ITPK1: variants seen among roughly 807,000 people sequenced by gnomAD.
ITPK1 encodes inositol-tetrakisphosphate 1-kinase.
A neutral mutation model predicts 45.3 loss-of-function variants in ITPK1; 21 were observed. The observed-to-expected ratio is 0.46, with a 90% CI of 0.33 to 0.67. The LOEUF is 0.67. ITPK1 is among the 30% of genes least tolerant of loss of function. The probability of loss-of-function intolerance (pLI) is 0.02; values close to 1 mark genes in which losing one functional copy is unlikely to be tolerated. For synonymous variants in ITPK1, 258 were observed against 253.6 expected, an observed-to-expected ratio of 1.02 and a Z score of -0.16; for missense variants, 474 against 573.5, an observed-to-expected ratio of 0.83 and a Z score of 1.77.
At chr14:93,074,097 T>G (rs544089544) in intron 3 of ITPK1, among the ~76,000 whole-genome samples, 46 of 152,254 alleles carry the variant, frequency 3.0e-4, no homozygotes, top group African/African-American at 1.1e-3. Flanking sequence ...TTTTGCAGAG[T>G]CTTTCTCAAT....
chr14:93,005,689 A>G (rs943630933), intron 4 of ITPK1, among the ~76,000 whole-genome samples: 6 of 152,234 alleles, frequency 3.9e-5, no homozygotes, highest in African/African-American at 1.4e-4. Context: ...AACAGCCAAA[A>G]TGCAGAATGC....
chr14:93,030,293 G>T (rs937337238), intron 3 of ITPK1, among the ~76,000 whole-genome samples: 1 of 152,196 alleles, frequency 6.6e-6, no homozygotes, highest in African/African-American at 2.4e-5. Context: ...TATCCAAAAT[G>T]TAAATAAAAG....
At chr14:92,974,541 C>G (rs1270434045) in intron 5 of ITPK1, among the ~76,000 whole-genome samples, 1 of 152,162 alleles carries the variant, frequency 6.6e-6, no homozygotes, top group Non-Finnish European at 1.5e-5. Context: ...GCATGTGCAG[C>G]GATGCATACA....
chr14:93,109,751 G>A (rs1892669365), intron 2 of ITPK1, among the ~76,000 whole-genome samples: 1 of 152,156 alleles, frequency 6.6e-6, no homozygotes. Context: ...GCAAGCCTGG[G>A]CCCCCTCCTT....
chr14:92,985,324 A>T (rs1438001168), intron 5 of ITPK1, among the ~76,000 whole-genome samples: 1 of 152,152 alleles, frequency 6.6e-6, no homozygotes, highest in Non-Finnish European at 1.5e-5. Flanking sequence ...CAATTATTGA[A>T]TAGTTATCAA....
intron 3 of ITPK1, among the ~76,000 whole-genome samples, chr14:93,028,028 C>T (rs1888831404): frequency 6.6e-6 from 1 of 152,244 alleles, no homozygotes; most frequent in African/African-American, 2.4e-5. Context: ...TGGGTCCATG[C>T]ACCTGCTGGC....
chr14:92,996,777 C>G (rs1887078624), intron 4 of ITPK1, among the ~76,000 whole-genome samples: 1 of 152,090 alleles, frequency 6.6e-6, no homozygotes, highest in Admixed American at 6.5e-5. Flanking sequence ...TTCCCCTAAA[C>G]ACACCAGGAA....
rs1887385493 is a variant in ITPK1 at position 92,941,392 on chromosome 14, C to T, written c.*169G>A. ...GGACCACCTGGTACTCTCTTCCATC[C>T]CCCACTACCCCTCATTTAGATCATG... On this transcript the variant is annotated 3_prime_UTR_variant, in exon 11 of 11. Coordinates refer to ENST00000267615, the MANE Select transcript of ITPK1 (RefSeq NM_014216.6). 1 of 1,418,414 alleles carries T rather than the reference C, an allele frequency of 7.1e-7. No individual in the cohort carries two copies. 87.9% of individuals were successfully genotyped at this position (1,418,414 alleles called of 1,614,324 possible).
intron 2 of ITPK1, among the ~76,000 whole-genome samples, chr14:93,101,465 C>T (rs1245898387): frequency 6.6e-6 from 1 of 152,186 alleles, no homozygotes; most frequent in Non-Finnish European, 1.5e-5. Flanking sequence ...GTGCTGACCC[C>T]CTCCTATGCA....
In ITPK1 at chr14:92,939,824, A is replaced by G. The variant is rs1235994429; in HGVS notation, c.*1737T>C. 1 of 985,840 alleles carries G rather than the reference A, an allele frequency of 1.0e-6. No individual in the cohort carries two copies. Among genetic ancestry groups the G allele is most frequent in the Non-Finnish European group, 1.2e-6 (1 of 829,944 alleles). The allele number at this position is 985,840 out of a possible 1,614,324, so 61.1% of individuals were successfully genotyped here. A position where few individuals can be genotyped will look rare whatever the true frequency, so the allele number is the denominator to read the frequency against. Reference sequence around the variant, plus strand: ...GTCTTTTAAGGACTGGGAGTATGACATAACAAACTTGAGCAACATGTGTAA... The same window carrying G: ...GTCTTTTAAGGACTGGGAGTATGACGTAACAAACTTGAGCAACATGTGTAA... On this transcript the variant is annotated 3_prime_UTR_variant, in exon 11 of 11. Coordinates refer to ENST00000267615, the MANE Select transcript of ITPK1 (RefSeq NM_014216.6).
intron 5 of ITPK1, among the ~76,000 whole-genome samples, chr14:92,989,509 C>T (rs552136967): frequency 2.6e-5 from 4 of 152,296 alleles, no homozygotes; most frequent in African/African-American, 9.6e-5. Context: ...CCTTCTCAGC[C>T]AGTTTGGGAG....
At position 92,938,609 on chromosome 14, in the gene ITPK1, A is replaced by G; in HGVS notation, c.*2952T>C. 8.4e-7 allele frequency: 1 copy of G among 1,187,554 alleles called. No homozygotes were observed. Among genetic ancestry groups the G allele is most frequent in the East Asian group, 2.4e-5 (1 of 41,574 alleles). 73.6% of individuals were successfully genotyped at this position (1,187,554 alleles called of 1,614,324 possible). A position where few individuals can be genotyped will look rare whatever the true frequency, so the allele number is the denominator to read the frequency against. On this transcript the variant is annotated 3_prime_UTR_variant, in exon 11 of 11. Transcript: ENST00000267615. ...AGACACAGGCAGGCCCAGGCACAGG[A>G]AGCCCCATGGAACCTGCCAGGTTGC...
intron 3 of ITPK1, among the ~76,000 whole-genome samples, chr14:93,020,185 G>A (rs1208439795): frequency 1.3e-5 from 2 of 152,216 alleles, no homozygotes; most frequent in African/African-American, 2.4e-5. Context: ...GGGCAGGGCT[G>A]GGAGACGGCA....
chr14:93,100,793 A>C (rs1473861079), intron 2 of ITPK1, among the ~76,000 whole-genome samples: 3 of 152,168 alleles, frequency 2.0e-5, no homozygotes, highest in African/African-American at 7.2e-5. Context: ...ACGAGACCCC[A>C]ATGACTCATC....
In ITPK1 at chr14:93,057,303, AG is replaced by A. The variant is rs199784495; in HGVS notation, c.120+19291del. Among the ~76,000 whole-genome samples the A allele has an allele frequency of 3.5e-3, 538 of 152,316 alleles. 3 individuals are homozygous for A. The highest frequency in any genetic ancestry group is 4.9e-3 in the Non-Finnish European group (336 of 68,020). On this transcript the variant is annotated intron_variant, in intron 3 of 10. Transcript: ENST00000267615. ...TGCACCCAGGCGAGGTCCAACGTGG[AG>A]AGCTAGCTGTGTTCTCTCGAAATCT...
intron 4 of ITPK1, among the ~76,000 whole-genome samples, chr14:93,007,791 G>A (rs1418983276): frequency 6.6e-6 from 1 of 152,210 alleles, no homozygotes. Context: ...GCTCAGAAGT[G>A]GGAGTCGTCC....
chr14:93,010,823 T>G (rs1371205370), intron 4 of ITPK1, among the ~76,000 whole-genome samples: 1 of 152,144 alleles, frequency 6.6e-6, no homozygotes, highest in Non-Finnish European at 1.5e-5. Flanking sequence ...GCACTCACAG[T>G]AAGCGTGGCT....
intron 2 of ITPK1, among the ~76,000 whole-genome samples, chr14:93,106,430 T>C (rs1892526278): frequency 6.6e-6 from 1 of 152,134 alleles, no homozygotes; most frequent in South Asian, 2.1e-4. Context: ...CCAATCCACA[T>C]GGAACCCAGG....
At chr14:92,982,051 G>C (rs917719766) in intron 5 of ITPK1, among the ~76,000 whole-genome samples, 6 of 152,244 alleles carry the variant, frequency 3.9e-5, no homozygotes, top group Non-Finnish European at 7.3e-5. Context: ...CCAGGAGAGG[G>C]AATGGGCAGG....
Sources: gnomAD v4.1 joint callset for allele counts (sites outside exome capture counted in the v4.1 genomes callset) on GRCh38, gnomAD v4.1.1 for gene constraint, MANE v1.5 for transcripts, NCBI Gene and HGNC (gene_info 2026-07-23, HGNC 2026-07-21) for gene names.